UGT3A1: variants seen among roughly 807,000 people sequenced by gnomAD.
UGT3A1 encodes the protein UDP glycosyltransferase family 3 member A1, also known as UDP-glycosyltransferase 3A1.
In UGT3A1, 40 loss-of-function variants were observed where a neutral mutation model predicts 37.6. The ratio of observed to expected loss-of-function variants is 1.06; its 90% CI spans 0.83 to 1.38. The LOEUF (loss-of-function observed/expected upper bound fraction) is 1.38, where lower values mean the gene tolerates loss of function less well. UGT3A1 is among the 40% of genes most tolerant of loss of function. The pLI is 0.00. For synonymous variants in UGT3A1, 256 were observed against 232.3 expected, an observed-to-expected ratio of 1.10 and a Z score of -0.93; for missense variants, 642 against 634.2, an observed-to-expected ratio of 1.01 and a Z score of -0.13.
Position 35,965,403 on chromosome 5 carries a change from T to C in UGT3A1, c.826A>G (p.Ile276Val), listed in dbSNP as rs370014419. ...VYIGGLMEKP[I>V]KPVPQDLDNF... ...TCACTTACTTGTGGTACTGGTTTAA[T>C]AGGTTTTTCCATCAAGCCTCCAATA... is the stretch of plus-strand genomic sequence containing the variant. The change falls in exon 4 of 7, where the codon ATT becomes GTT. Residue 276 changes from isoleucine to valine, a missense_variant. By Grantham distance (29) the Ile-to-Val change is conservative. Transcript: ENST00000274278. The C allele has an allele frequency of 4.3e-6, 7 of 1,613,886 alleles. No homozygotes were observed. In the African/African-American group the frequency reaches 9.3e-5, roughly 22 times the overall value.
chr5:35,991,603 G>T (rs1485642152), upstream of UGT3A1: 1 of 1,024,192 alleles, frequency 9.8e-7, no homozygotes, highest in African/African-American at 1.7e-5. Flanking sequence ...GTTAATGAAG[G>T]CTCCATCCCC....
chr5:35,988,416 A>G, intron 2 of UGT3A1, 34 bp downstream of exon 2: 1 of 1,490,440 alleles, frequency 6.7e-7, no homozygotes, highest in Non-Finnish European at 9.1e-7. Flanking sequence ...GCTTAGAGTA[A>G]AAGAATATAA....
chr5:35,973,692 C>G (rs1454029121), intron 2 of UGT3A1, among the ~76,000 whole-genome samples: 1 of 152,176 alleles, frequency 6.6e-6, no homozygotes, highest in African/African-American at 2.4e-5. Context: ...TTCCCAGCAC[C>G]ACCAGAGGCT....
At chr5:35,972,742 T>G (rs901111381) in intron 2 of UGT3A1, among the ~76,000 whole-genome samples, 1 of 152,136 alleles carries the variant, frequency 6.6e-6, no homozygotes, top group African/African-American at 2.4e-5. Flanking sequence ...TCTGGGATAT[T>G]TATATCAAAC....
chr5:35,981,551 T>C (rs1439295915), intron 2 of UGT3A1, among the ~76,000 whole-genome samples: 2 of 152,246 alleles, frequency 1.3e-5, no homozygotes, highest in East Asian at 3.8e-4. Context: ...TTAGGATATC[T>C]GGCTGAAGAA....
At chr5:35,990,165 T>A (rs2111555978) in intron 1 of UGT3A1, among the ~76,000 whole-genome samples, 1 of 152,062 alleles carries the variant, frequency 6.6e-6, no homozygotes, top group South Asian at 2.1e-4. Flanking sequence ...GAGCGTGGTC[T>A]TGGGGTAAGA....
Position 35,965,737 on chromosome 5 carries a change from G to A in UGT3A1, c.492C>T (p.Ala164=). 1.2e-6 allele frequency: 2 copies of A among 1,614,164 alleles called. No homozygotes were observed. Among genetic ancestry groups the A allele is most frequent in the South Asian group, 1.1e-5 (1 of 91,078 alleles). ...IAEKLVKPFV[A]ILPTTFGSLD... is the part of the protein sequence containing the mutation. ...AAGAGCCGAATGTGGTGGGAAGAATGGCCACAAATGGTTTCACAAGCTTCT... is the reference window on the plus strand; with the variant it reads ...AAGAGCCGAATGTGGTGGGAAGAATAGCCACAAATGGTTTCACAAGCTTCT... Residue 164 remains alanine (A), a synonymous_variant, in exon 4 of 7, where the codon GCC becomes GCT. Coordinates refer to ENST00000274278, the MANE Select transcript of UGT3A1 (RefSeq NM_152404.4).
chr5:36,000,189 C>T (rs79871264), intron 1 of UGT3A1, among the ~76,000 whole-genome samples: 2,985 of 152,282 alleles, frequency 0.02, 57 homozygotes, highest in Non-Finnish European at 0.028. Context: ...CCACCACTTT[C>T]GGTAAACATT....
At chr5:35,974,556 A>T (rs920732846) in intron 2 of UGT3A1, among the ~76,000 whole-genome samples, 1 of 152,208 alleles carries the variant, frequency 6.6e-6, no homozygotes, top group African/African-American at 2.4e-5. Context: ...TTCAACTTGC[A>T]TTTTTGACCT....
Position 35,991,322 on chromosome 5 carries a change from C to T in UGT3A1, c.-82G>A. 1 of 1,589,038 alleles carries T rather than the reference C, an allele frequency of 6.3e-7. No individual in the cohort carries two copies. Among genetic ancestry groups the T allele is most frequent in the East Asian group, 2.2e-5 (1 of 44,690 alleles). On this transcript the variant is annotated 5_prime_UTR_variant, in exon 1 of 7. Coordinates refer to ENST00000274278, the MANE Select transcript of UGT3A1 (RefSeq NM_152404.4). ...TAAGGACTCTGTGCGCGCCTCAGTA[C>T]TCCAAAGGCACTGGCTGTGGGCCTA...
intron 4 of UGT3A1, among the ~76,000 whole-genome samples, chr5:35,964,826 C>G (rs539936150): frequency 1.3e-5 from 2 of 152,300 alleles, no homozygotes; most frequent in African/African-American, 4.8e-5. Flanking sequence ...ATCACCCAGG[C>G]AGCATTTACA....
chr5:35,959,710 G>A (rs1349139431), intron 4 of UGT3A1, among the ~76,000 whole-genome samples: 7 of 152,034 alleles, frequency 4.6e-5, no homozygotes, highest in Non-Finnish European at 7.4e-5. Context: ...TGTGCACTAC[G>A]AGAGAAAATG....
chr5:35,991,256 A>T lies in UGT3A1; in HGVS notation c.-16T>A. On this transcript the variant is annotated 5_prime_UTR_variant, in exon 1 of 7. Coordinates refer to ENST00000274278, the MANE Select transcript of UGT3A1 (RefSeq NM_152404.4). Reference sequence around the variant, plus strand: ...GCCCAACCATGCTCACTTCCACAGAAGCAGCGGATCTCAGCCTGGGCTGCG... The same window carrying T: ...GCCCAACCATGCTCACTTCCACAGATGCAGCGGATCTCAGCCTGGGCTGCG... The T allele has an allele frequency of 6.2e-7, 1 of 1,614,162 alleles. No homozygotes were observed. The highest frequency in any genetic ancestry group is 8.5e-7 in the Non-Finnish European group (1 of 1,179,996).
intron 1 of UGT3A1, chr5:35,990,936 T>C: frequency 7.0e-7 from 1 of 1,434,174 alleles, no homozygotes; most frequent in South Asian, 1.5e-5. Context: ...GAAAGGAGAG[T>C]GTCTTTTCTC....
At chr5:35,962,806 G>T in intron 4 of UGT3A1, 1 of 680,690 alleles carries the variant, frequency 1.5e-6, no homozygotes, top group South Asian at 1.6e-5. Context: ...CAGATTCTGA[G>T]GGTCAAAGCA....
exon 2 of UGT3A1, chr5:35,997,311 A>T (rs552565141): frequency 6.6e-6 from 1 of 152,306 alleles, no homozygotes; most frequent in Non-Finnish European, 1.5e-5. Context: ...GACAGCCAAT[A>T]TTTGGATATT....
At chr5:35,976,468 C>T (rs1740272694) in intron 2 of UGT3A1, among the ~76,000 whole-genome samples, 1 of 152,188 alleles carries the variant, frequency 6.6e-6, no homozygotes, top group African/African-American at 2.4e-5. Flanking sequence ...GGTACAGCCA[C>T]TTTAGGAAAA....
intron 4 of UGT3A1, among the ~76,000 whole-genome samples, chr5:35,959,281 A>G (rs1053966472): frequency 5.9e-5 from 9 of 152,232 alleles, no homozygotes; most frequent in Non-Finnish European, 1.3e-4. Flanking sequence ...TCAACAAAAG[A>G]TCACAAGGCA....
In UGT3A1 at chr5:35,954,843, A is replaced by T. The variant is rs116291087; in HGVS notation, c.1296-365T>A. The T allele has an allele frequency of 9.7e-3, 1,988 of 204,842 alleles. 48 individuals are homozygous for T. The highest frequency in any genetic ancestry group is 0.042 in the African/African-American group (1,852 of 43,818). 12.7% of individuals were successfully genotyped at this position (204,842 alleles called of 1,614,324 possible). A position where few individuals can be genotyped will look rare whatever the true frequency, so the allele number is the denominator to read the frequency against. ...CCTGATTCAGGGTTTGTGTTTCTGA[A>T]ACCATAATAAGGTATTCAGTCCTTC... On this transcript the variant is annotated intron_variant, in intron 6 of 6. Transcript: ENST00000274278.
Sources: gnomAD v4.1 joint callset for allele counts (sites outside exome capture counted in the v4.1 genomes callset) on GRCh38, gnomAD v4.1.1 for gene constraint, MANE v1.5 for transcripts, NCBI Gene and HGNC (gene_info 2026-07-23, HGNC 2026-07-21) for gene names.